Variants in SCHIP1 observed in about 807,000 individuals in gnomAD.
SCHIP1 encodes schwannomin interacting protein 1, also known as schwannomin-interacting protein 1.
In SCHIP1, 8 loss-of-function variants were observed where a neutral mutation model predicts 29.7. The observed-to-expected ratio is 0.27, with a 90% confidence interval of 0.16 to 0.49. The LOEUF is 0.49. Among genes scored for constraint, SCHIP1 ranks in the 20% least tolerant of loss-of-function variants. The probability of loss-of-function intolerance (pLI) is 0.99; values close to 1 mark genes in which losing one functional copy is unlikely to be tolerated. For synonymous variants in SCHIP1, 76 were observed against 94.9 expected (o/e 0.80, Z 1.16); for missense variants, 193 against 294.6 (o/e 0.66, Z 2.52).
chr3:159,663,795 A>G, the SCHIP1 span, among the ~76,000 whole-genome samples: 1 of 152,156 alleles, frequency 6.6e-6, no homozygotes, highest in Non-Finnish European at 1.5e-5. Context: ...AGCTAATTGT[A>G]TTGTAACAGG....
At chr3:159,820,058 G>A in the SCHIP1 span, among the ~76,000 whole-genome samples, 1 of 152,118 alleles carries the variant, frequency 6.6e-6, no homozygotes, top group East Asian at 1.9e-4. Flanking sequence ...GCAGTTTTTT[G>A]GGGGGATCAC....
chr3:159,640,308 T>C, the SCHIP1 span, among the ~76,000 whole-genome samples: 1 of 152,158 alleles, frequency 6.6e-6, no homozygotes, highest in Admixed American at 6.6e-5. Context: ...GGTGCTCTAA[T>C]CCTGATTCTA....
the SCHIP1 span, among the ~76,000 whole-genome samples, chr3:159,465,369 TAGAG>T: frequency 0.012 from 1,770 of 150,548 alleles, 29 homozygotes; most frequent in Admixed American, 0.049. Context: ...GTGTGGAAAT[TAGAG>T]AGAAAGAGAG....
chr3:159,665,777 C>T, the SCHIP1 span, among the ~76,000 whole-genome samples: 1 of 152,112 alleles, frequency 6.6e-6, no homozygotes, highest in African/African-American at 2.4e-5. Flanking sequence ...TTCAGCATCC[C>T]CAGGCTTAGC....
chr3:159,598,491 C>T, the SCHIP1 span, among the ~76,000 whole-genome samples: 1 of 152,172 alleles, frequency 6.6e-6, no homozygotes, highest in Non-Finnish European at 1.5e-5. Context: ...GTGGGACAGT[C>T]ATTAAATCTT....
At chr3:159,329,090 TG>T in the SCHIP1 span, among the ~76,000 whole-genome samples, 3 of 152,118 alleles carry the variant, frequency 2.0e-5, no homozygotes, top group Non-Finnish European at 4.4e-5. Context: ...GAGGTTTATC[TG>T]TACCCCCGGG....
the SCHIP1 span, among the ~76,000 whole-genome samples, chr3:159,794,776 A>T: frequency 6.6e-6 from 1 of 152,170 alleles, no homozygotes; most frequent in African/African-American, 2.4e-5. Flanking sequence ...AGGCCAAAAA[A>T]TAGTATTGTA....
the SCHIP1 span, among the ~76,000 whole-genome samples, chr3:159,448,449 G>A: frequency 2.0e-4 from 31 of 152,164 alleles, no homozygotes; most frequent in African/African-American, 6.0e-4. Context: ...CCAGAATGGC[G>A]GCAGAGTGAG....
chr3:159,645,090 T>G, the SCHIP1 span, among the ~76,000 whole-genome samples: 1 of 152,142 alleles, frequency 6.6e-6, no homozygotes, highest in East Asian at 1.9e-4. Context: ...TATTTCCTAT[T>G]TTATCTAATA....
the SCHIP1 span, among the ~76,000 whole-genome samples, chr3:159,683,823 G>A: frequency 6.6e-6 from 1 of 152,084 alleles, no homozygotes; most frequent in Non-Finnish European, 1.5e-5. Context: ...ATAAGACTCT[G>A]GTGTATAGAA....
chr3:159,560,344 A>T, the SCHIP1 span, among the ~76,000 whole-genome samples: 1 of 152,172 alleles, frequency 6.6e-6, no homozygotes, highest in East Asian at 1.9e-4. Context: ...CAGGAATGGT[A>T]CCTAATGGCT....
At chr3:159,540,365 G>A in the SCHIP1 span, among the ~76,000 whole-genome samples, 1 of 151,952 alleles carries the variant, frequency 6.6e-6, no homozygotes, top group African/African-American at 2.4e-5. Context: ...AGCCAAAAAG[G>A]GCTAATGCAT....
chr3:159,667,264 G>A, the SCHIP1 span, among the ~76,000 whole-genome samples: 1 of 152,308 alleles, frequency 6.6e-6, no homozygotes, highest in East Asian at 1.9e-4. Flanking sequence ...CCTTTTGGGG[G>A]AATCCTGAGA....
the SCHIP1 span, among the ~76,000 whole-genome samples, chr3:159,507,740 A>G: frequency 2.0e-5 from 3 of 152,064 alleles, no homozygotes; most frequent in African/African-American, 7.2e-5. Context: ...GGTTTTTGTC[A>G]TTGGTTCTGT....
chr3:159,774,168 C>T, the SCHIP1 span, among the ~76,000 whole-genome samples: 1 of 148,708 alleles, frequency 6.7e-6, no homozygotes, highest in Non-Finnish European at 1.5e-5. Context: ...CTGAACTGTC[C>T]TTAATTATTT....
At chr3:159,766,898 A>G in the SCHIP1 span, among the ~76,000 whole-genome samples, 1 of 152,214 alleles carries the variant, frequency 6.6e-6, no homozygotes, top group Admixed American at 6.5e-5. Flanking sequence ...GTTATTGTGA[A>G]GACTATGAAT....
At chr3:159,775,437 C>T in the SCHIP1 span, among the ~76,000 whole-genome samples, 1 of 152,182 alleles carries the variant, frequency 6.6e-6, no homozygotes, top group Admixed American at 6.5e-5. Context: ...CTGGGCATAC[C>T]CCAGCTGATT....
the SCHIP1 span, among the ~76,000 whole-genome samples, chr3:159,488,348 CAAAG>C: frequency 1.3e-5 from 2 of 151,872 alleles, no homozygotes; most frequent in Admixed American, 1.3e-4. Flanking sequence ...ATTTGTGACA[CAAAG>C]AAAGGATAAA....
chr3:159,697,034 AG>A, the SCHIP1 span, among the ~76,000 whole-genome samples: 1 of 152,178 alleles, frequency 6.6e-6, no homozygotes. Context: ...AACGATTTTA[AG>A]GGTGGTGACA....
Sources: allele counts gnomAD v4.1 joint callset (sites outside exome capture counted in the v4.1 genomes callset), GRCh38; gene constraint gnomAD v4.1.1; transcripts MANE v1.5; gene names NCBI Gene and HGNC (gene_info 2026-07-23, HGNC 2026-07-21).